The following BMPR1B variants were observed in gnomAD, a reference collection of about 807,000 sequenced individuals.
BMPR1B encodes the protein bone morphogenetic protein receptor type-1B.
A neutral mutation model predicts 59.1 loss-of-function variants in BMPR1B; 12 were observed. The observed-to-expected ratio is 0.20, with a 90% confidence interval of 0.13 to 0.33. The LOEUF (loss-of-function observed/expected upper bound fraction) is 0.33, where lower values mean the gene tolerates loss of function less well. Among genes scored for constraint, BMPR1B ranks in the 10% least tolerant of loss-of-function variants. BMPR1B has a pLI of 1.00. For synonymous variants in BMPR1B, 237 were observed against 207.3 expected, an observed-to-expected ratio of 1.14 and a Z score of -1.23; for missense variants, 550 against 610.9, an observed-to-expected ratio of 0.90 and a Z score of 1.05.
At chr4:94,912,568 A>G (rs747748303) in intron 2 of BMPR1B, among the ~76,000 whole-genome samples, 23 of 152,152 alleles carry the variant, frequency 1.5e-4, no homozygotes, top group South Asian at 2.1e-4. Flanking sequence ...CTCCTTGGTG[A>G]GAATCAGCCA....
At position 95,116,433 on chromosome 4, in the gene BMPR1B, A is replaced by G. The variant is rs1045780607; in HGVS notation, c.349+646A>G. On this transcript the variant is annotated intron_variant, in intron 6 of 12. Transcript: ENST00000515059. ...GCTTTCAGCGCGCGCACACACACACACACACACACACACACACACACACAC... is the reference window on the plus strand; with the variant it reads ...GCTTTCAGCGCGCGCACACACACACGCACACACACACACACACACACACAC... Among the ~76,000 whole-genome samples, 495 of 150,082 alleles carry G rather than the reference A, an allele frequency of 3.3e-3. 13 individuals are homozygous for G. The East Asian group carries it at 0.04, about 12-fold the overall frequency.
chr4:94,862,260 C>T (rs1726015805), intron 1 of BMPR1B, among the ~76,000 whole-genome samples: 1 of 151,886 alleles, frequency 6.6e-6, no homozygotes. Flanking sequence ...AGCGATTCTC[C>T]TGCCTCAGCC....
chr4:94,907,366 C>T (rs1728086446), intron 2 of BMPR1B, among the ~76,000 whole-genome samples: 1 of 152,050 alleles, frequency 6.6e-6, no homozygotes, highest in South Asian at 2.1e-4. Flanking sequence ...GCTATGTTAA[C>T]AGGAATCAAC....
chr4:95,024,656 T>TC (rs1381492160), intron 3 of BMPR1B, among the ~76,000 whole-genome samples: 1 of 152,066 alleles, frequency 6.6e-6, no homozygotes, highest in Non-Finnish European at 1.5e-5. Context: ...AAAGTACCCA[T>TC]CCCTGGAGTG....
chr4:94,955,232 C>A (rs1319739857), intron 2 of BMPR1B, among the ~76,000 whole-genome samples: 1 of 152,218 alleles, frequency 6.6e-6, no homozygotes, highest in Admixed American at 6.5e-5. Flanking sequence ...GAGTTGCTTC[C>A]TTCAGGGCTT....
intron 2 of BMPR1B, among the ~76,000 whole-genome samples, chr4:94,911,302 T>TA (rs1728264459): frequency 6.6e-6 from 1 of 152,168 alleles, no homozygotes; most frequent in Non-Finnish European, 1.5e-5. Context: ...GACATAGCAA[T>TA]TATTAACTTT....
intron 3 of BMPR1B, among the ~76,000 whole-genome samples, chr4:95,054,851 G>A (rs182816647): frequency 1.5e-3 from 236 of 152,266 alleles, no homozygotes; most frequent in Non-Finnish European, 2.9e-3. Flanking sequence ...CAATGTACCC[G>A]TCCTGACGAG....
intron 1 of BMPR1B, among the ~76,000 whole-genome samples, chr4:94,813,860 G>A (rs1488150763): frequency 1.3e-5 from 2 of 152,118 alleles, no homozygotes; most frequent in Non-Finnish European, 2.9e-5. Flanking sequence ...GGAGTCATAG[G>A]TGACACTAGG....
chr4:94,774,944 G>A (rs567053652), intron 1 of BMPR1B, among the ~76,000 whole-genome samples: 2 of 152,154 alleles, frequency 1.3e-5, no homozygotes, highest in East Asian at 1.9e-4. Flanking sequence ...AGTACATGAG[G>A]AACCTCAGAA....
chr4:94,964,762 T>C (rs966081139), intron 2 of BMPR1B, among the ~76,000 whole-genome samples: 2 of 152,188 alleles, frequency 1.3e-5, no homozygotes, highest in Non-Finnish European at 2.9e-5. Flanking sequence ...GCCCTGCCTG[T>C]AGCTGTGGGA....
chr4:95,117,274 G>T (rs1446350200), intron 6 of BMPR1B, among the ~76,000 whole-genome samples: 1 of 152,176 alleles, frequency 6.6e-6, no homozygotes, highest in South Asian at 2.1e-4. Context: ...CAGCAGCCCT[G>T]TGAAGTACAT....
rs540988269 is a variant in BMPR1B at position 94,970,109 on chromosome 4, T to C, written c.-112-25931T>C. On this transcript the variant is annotated intron_variant, in intron 2 of 12. Transcript: ENST00000515059. ...TCTTGTTTTATTTTAAAAAGCTTTT[T>C]AAAGAATGTTTAGTAGTTTACTCTG... Among the ~76,000 whole-genome samples, 45 of 152,326 alleles carry C rather than the reference T, an allele frequency of 3.0e-4. 1 individual carries two copies. In the South Asian group the frequency reaches 9.1e-3, roughly 31 times the overall value.
At chr4:95,074,502 G>A (rs1306127494) in intron 3 of BMPR1B, among the ~76,000 whole-genome samples, 1 of 151,964 alleles carries the variant, frequency 6.6e-6, no homozygotes, top group Non-Finnish European at 1.5e-5. Flanking sequence ...CCGATGGGTG[G>A]CATTTTTAGT....
chr4:94,820,067 A>G (rs1724148143), intron 1 of BMPR1B, among the ~76,000 whole-genome samples: 1 of 152,174 alleles, frequency 6.6e-6, no homozygotes. Context: ...TATCAGTCTC[A>G]ACTACAAAAC....
At chr4:94,775,211 A>G (rs1722324608) in intron 1 of BMPR1B, among the ~76,000 whole-genome samples, 1 of 152,202 alleles carries the variant, frequency 6.6e-6, no homozygotes, top group Non-Finnish European at 1.5e-5. Context: ...ATAGTTGTTC[A>G]ATAAATGTTC....
intron 2 of BMPR1B, among the ~76,000 whole-genome samples, chr4:94,962,392 C>T (rs995642068): frequency 1.1e-4 from 17 of 152,130 alleles, no homozygotes; most frequent in Non-Finnish European, 2.9e-5. Flanking sequence ...CTTGGCTCAG[C>T]CTCCCAAAGT....
At chr4:95,006,193 C>A (rs1722816742) in intron 3 of BMPR1B, among the ~76,000 whole-genome samples, 2 of 151,852 alleles carry the variant, frequency 1.3e-5, no homozygotes, top group African/African-American at 4.8e-5. Context: ...ATCCTTTGAA[C>A]CCAGGAGGAG....
At chr4:94,858,677 A>C (rs537479020) in intron 1 of BMPR1B, among the ~76,000 whole-genome samples, 1 of 152,328 alleles carries the variant, frequency 6.6e-6, no homozygotes, top group African/African-American at 2.4e-5. Flanking sequence ...AAGTTTGAAT[A>C]CAACTCTTGT....
chr4:94,945,064 G>A (rs1173034175), intron 2 of BMPR1B, among the ~76,000 whole-genome samples: 1 of 152,194 alleles, frequency 6.6e-6, no homozygotes, highest in Non-Finnish European at 1.5e-5. Flanking sequence ...TAGGCCCCAT[G>A]TATGGAACAT....
Sources: allele counts gnomAD v4.1 joint callset (sites outside exome capture counted in the v4.1 genomes callset), GRCh38; gene constraint gnomAD v4.1.1; transcripts MANE v1.5; gene names NCBI Gene and HGNC (gene_info 2026-07-23, HGNC 2026-07-21).